SRGAP1: variants seen among roughly 807,000 people sequenced by gnomAD.
SRGAP1 encodes the protein SLIT-ROBO Rho GTPase-activating protein 1.
A neutral mutation model predicts 121.9 loss-of-function variants in SRGAP1; 43 were observed. That is an observed-to-expected ratio of 0.35 (90% CI 0.28 to 0.46). The LOEUF (loss-of-function observed/expected upper bound fraction) is 0.46. Among genes scored for constraint, SRGAP1 ranks in the 20% least tolerant of loss-of-function variants. The pLI is 1.00. For synonymous variants in SRGAP1, 447 were observed against 485.4 expected, an observed-to-expected ratio of 0.92 and a Z score of 1.04; for missense variants, 1,102 against 1,350.9, an observed-to-expected ratio of 0.82 and a Z score of 2.89.
chr12:63,892,995 T>C (rs1900637764), intron 1 of SRGAP1, among the ~76,000 whole-genome samples: 1 of 152,196 alleles, frequency 6.6e-6, no homozygotes, highest in Admixed American at 6.5e-5. Flanking sequence ...TGTTCAGTTA[T>C]GTAGGTATTT....
chr12:64,063,003 T>C lies in SRGAP1; in HGVS notation c.888T>C (p.His296=). 6.2e-7 allele frequency: 1 copy of C among 1,614,034 alleles called. No homozygotes were observed. The highest frequency in any genetic ancestry group is 1.3e-5 in the African/African-American group (1 of 75,034). Reference sequence around the variant, plus strand: ...AGTACAACCTTGAAACCTCCAGACATGAGGGCTTAGACATTATTGAGAATG... The same window carrying C: ...AGTACAACCTTGAAACCTCCAGACACGAGGGCTTAGACATTATTGAGAATG... ...SAEYNLETSR[H]EGLDIIENAV... The change falls in exon 7 of 22, where the codon CAT becomes CAC. Residue 296 remains histidine (H), a synonymous_variant. Transcript: ENST00000355086.
At position 64,145,019 on chromosome 12, in the gene SRGAP1, TG is replaced by T. The variant is rs752740820; in HGVS notation, c.*2351del. ...CTAATTTTTGTATTTTTAGTAGAGATGGGGTGTCACCATGTTGGCCAGGCTG... is the reference window on the plus strand; with the variant it reads ...CTAATTTTTGTATTTTTAGTAGAGATGGGTGTCACCATGTTGGCCAGGCTG... On this transcript the variant is annotated 3_prime_UTR_variant, in exon 22 of 22. Coordinates refer to ENST00000355086, the MANE Select transcript of SRGAP1 (RefSeq NM_020762.4). 1 of 151,700 alleles carries T rather than the reference TG, an allele frequency of 6.6e-6. No individual in the cohort carries two copies. The highest frequency in any genetic ancestry group is 1.5e-5 in the Non-Finnish European group (1 of 67,986). The allele number at this position is 151,700 out of a possible 1,614,324, so 9.4% of individuals were successfully genotyped here. A position where few individuals can be genotyped will look rare whatever the true frequency, so the allele number is the denominator to read the frequency against.
At chr12:64,123,643 G>GATTTATTT (rs140354888) in intron 18 of SRGAP1, among the ~76,000 whole-genome samples, 681 of 141,260 alleles carry the variant, frequency 4.8e-3, no homozygotes, top group Non-Finnish European at 6.1e-3. Context: ...ATTGCTAAAG[G>GATTTATTT]ATTTATTTAT....
chr12:63,873,268 C>T (rs957714109), intron 1 of SRGAP1, among the ~76,000 whole-genome samples: 1 of 152,014 alleles, frequency 6.6e-6, no homozygotes, highest in African/African-American at 2.4e-5. Context: ...CGGTAGCTCA[C>T]ACCTGTAATC....
intron 3 of SRGAP1, among the ~76,000 whole-genome samples, chr12:63,998,062 C>T (rs145008182): frequency 6.6e-6 from 1 of 152,282 alleles, no homozygotes; most frequent in Non-Finnish European, 1.5e-5. Context: ...CCTTCCCCAG[C>T]TTTATTCTTC....
intron 1 of SRGAP1, among the ~76,000 whole-genome samples, chr12:63,848,249 A>ATG (rs1898968314): frequency 1.3e-5 from 2 of 151,840 alleles, no homozygotes; most frequent in Non-Finnish European, 2.9e-5. Context: ...CAGGTGATCC[A>ATG]CCTGCCTCTG....
At position 64,095,331 on chromosome 12, in the gene SRGAP1, G is replaced by A. The variant is rs978057859; in HGVS notation, c.1678+127G>A. 6.1e-5 allele frequency: 45 copies of A among 731,722 alleles called. No homozygotes were observed. The African/African-American group carries it at 6.8e-4, about 11-fold the overall frequency. 45.3% of individuals were successfully genotyped at this position (731,722 alleles called of 1,614,324 possible). A position where few individuals can be genotyped will look rare whatever the true frequency, so the allele number is the denominator to read the frequency against. ...TTGTATGTACTGCATTAGGGGTGCA[G>A]CAGTAAGAATCCATTAAGAATCGCT... is the stretch of plus-strand genomic sequence containing the variant. On this transcript the variant is annotated intron_variant, in intron 14 of 21. Coordinates refer to ENST00000355086, the MANE Select transcript of SRGAP1 (RefSeq NM_020762.4).
intron 1 of SRGAP1, among the ~76,000 whole-genome samples, chr12:63,900,992 AT>A (rs201391666): frequency 3.6e-3 from 511 of 142,054 alleles, no homozygotes; most frequent in Middle Eastern, 3.7e-3. Flanking sequence ...TTGTGCACCT[AT>A]TTTTTTTTTT....
chr12:64,071,613 A>G (rs1451991264), intron 8 of SRGAP1, among the ~76,000 whole-genome samples: 4 of 152,120 alleles, frequency 2.6e-5, no homozygotes, highest in Non-Finnish European at 4.4e-5. Context: ...GTCCACCCTC[A>G]TGGGTCATTA....
chr12:64,014,883 C>G (rs2034358476), intron 3 of SRGAP1, among the ~76,000 whole-genome samples: 1 of 152,108 alleles, frequency 6.6e-6, no homozygotes, highest in African/African-American at 2.4e-5. Flanking sequence ...GTGCTGTGAT[C>G]TCGGCTCACT....
intron 10 of SRGAP1, chr12:64,081,818 A>G (rs2035848313): frequency 6.6e-6 from 1 of 151,714 alleles, no homozygotes; most frequent in Non-Finnish European, 1.5e-5. Context: ...GGTACAGTCA[A>G]TGTGGCAAAC....
In SRGAP1 at chr12:64,017,075, A is replaced by T. The variant is rs1355947499; in HGVS notation, c.489+63A>T. 3.1e-6 allele frequency: 3 copies of T among 964,742 alleles called. No homozygotes were observed. The African/African-American group carries it at 4.9e-5, about 16-fold the overall frequency. The allele number at this position is 964,742 out of a possible 1,614,324, so 59.8% of individuals were successfully genotyped here. ...GGTTAGAATTCTGGTTTGTAAAAAC[A>T]CTGCTCATTGTAGTATTCATTCCAA... On this transcript the variant is annotated intron_variant, in intron 4 of 21. Coordinates refer to ENST00000355086, the MANE Select transcript of SRGAP1 (RefSeq NM_020762.4).
chr12:64,025,910 G>T (rs2034643355), intron 4 of SRGAP1, among the ~76,000 whole-genome samples: 1 of 152,118 alleles, frequency 6.6e-6, no homozygotes, highest in African/African-American at 2.4e-5. Flanking sequence ...ACCAATTCAA[G>T]GATCTCTGAG....
At chr12:64,111,118 C>T (rs1258213458) in intron 16 of SRGAP1, among the ~76,000 whole-genome samples, 1 of 152,152 alleles carries the variant, frequency 6.6e-6, no homozygotes, top group African/African-American at 2.4e-5. Context: ...TACTAGACAA[C>T]TGGAAATCTC....
rs1041631830 is a variant in SRGAP1 at position 63,929,287 on chromosome 12, C to T, written c.68-54660C>T. Reference sequence around the variant, plus strand: ...TGGCAAATTGCCTAAGTATCTGTTTCAGTTTTCTCATCTGTCAAATATAAA... The same window carrying T: ...TGGCAAATTGCCTAAGTATCTGTTTTAGTTTTCTCATCTGTCAAATATAAA... On this transcript the variant is annotated intron_variant, in intron 1 of 21. Coordinates refer to ENST00000355086, the MANE Select transcript of SRGAP1 (RefSeq NM_020762.4). Among the ~76,000 whole-genome samples the T allele has an allele frequency of 3.9e-5, 6 of 152,338 alleles. 1 individual carries two copies. Among genetic ancestry groups the T allele is most frequent in the Admixed American group, 3.9e-4 (6 of 15,298 alleles).
chr12:63,956,720 C>CTTTTTT (rs3067620), intron 1 of SRGAP1, among the ~76,000 whole-genome samples: 19 of 96,964 alleles, frequency 2.0e-4, no homozygotes, highest in African/African-American at 5.0e-4. Flanking sequence ...GTAAGCAAGG[C>CTTTTTT]TTTTTTTTTT....
At chr12:63,853,010 T>C (rs1423438067) in intron 1 of SRGAP1, among the ~76,000 whole-genome samples, 1 of 151,332 alleles carries the variant, frequency 6.6e-6, no homozygotes, top group Admixed American at 6.6e-5. Context: ...TCCAAACAAG[T>C]ATTACCGCAA....
intron 3 of SRGAP1, among the ~76,000 whole-genome samples, chr12:64,003,030 G>C (rs1406387024): frequency 2.3e-5 from 3 of 128,504 alleles, no homozygotes; most frequent in Non-Finnish European, 4.7e-5. Flanking sequence ...GAGTGAGAGA[G>C]AGAGAGAGAG....
intron 2 of SRGAP1, among the ~76,000 whole-genome samples, chr12:63,986,937 A>C (rs544621893): frequency 3.9e-5 from 6 of 152,306 alleles, no homozygotes; most frequent in African/African-American, 1.4e-4. Context: ...TATGGGACTG[A>C]AGATAAGATG....
Sources: allele counts gnomAD v4.1 joint callset (sites outside exome capture counted in the v4.1 genomes callset), GRCh38; gene constraint gnomAD v4.1.1; transcripts MANE v1.5; gene names NCBI Gene and HGNC (gene_info 2026-07-23, HGNC 2026-07-21).